Variants in TBC1D15 observed in about 807,000 individuals in gnomAD.
TBC1D15 encodes the protein TBC1 domain family member 15, also known as GAP for RAB7.
A neutral mutation model predicts 95.4 loss-of-function variants in TBC1D15; 39 were observed. That is an observed-to-expected ratio of 0.41 (90% CI 0.32 to 0.53). The LOEUF (loss-of-function observed/expected upper bound fraction) is 0.53, where lower values mean the gene tolerates loss of function less well. TBC1D15 is among the 20% of genes least tolerant of loss of function. The probability of loss-of-function intolerance (pLI) is 0.29; values close to 1 mark genes in which losing one functional copy is unlikely to be tolerated. For synonymous variants in TBC1D15, 258 were observed against 261.3 expected, an observed-to-expected ratio of 0.99 and a Z score of 0.12; for missense variants, 733 against 794.3, an observed-to-expected ratio of 0.92 and a Z score of 0.93.
intron 1 of TBC1D15, chr12:71,868,868 G>C (rs998205650): frequency 1.3e-5 from 2 of 152,090 alleles, no homozygotes; most frequent in South Asian, 2.1e-4. Flanking sequence ...GGAAGTTCCC[G>C]ACTATTCTAC....
At chr12:71,874,650 T>C (rs1592737238) in intron 3 of TBC1D15, among the ~76,000 whole-genome samples, 1 of 142,172 alleles carries the variant, frequency 7.0e-6, no homozygotes, top group South Asian at 2.2e-4. Flanking sequence ...TGAGACGGAG[T>C]CTTGCTCTGT....
intron 1 of TBC1D15, among the ~76,000 whole-genome samples, chr12:71,841,588 ACT>A (rs981949948): frequency 1.1e-4 from 17 of 151,814 alleles, no homozygotes; most frequent in Non-Finnish European, 2.4e-4. Flanking sequence ...TTCCTATAAC[ACT>A]CTCTAATCAA....
At chr12:71,847,899 A>G (rs1886742458) in intron 1 of TBC1D15, among the ~76,000 whole-genome samples, 1 of 151,954 alleles carries the variant, frequency 6.6e-6, no homozygotes, top group Admixed American at 6.6e-5. Context: ...GGAGTTCAAG[A>G]CCAGCCTGAC....
intron 1 of TBC1D15, among the ~76,000 whole-genome samples, chr12:71,869,499 G>A (rs1892210626): frequency 6.6e-6 from 1 of 152,076 alleles, no homozygotes; most frequent in African/African-American, 2.4e-5. Context: ...CTCCAGCCTG[G>A]GCAACAGAGC....
intron 1 of TBC1D15, among the ~76,000 whole-genome samples, chr12:71,846,075 C>T (rs796895933): frequency 2.6e-5 from 4 of 152,050 alleles, no homozygotes; most frequent in African/African-American, 4.8e-5. Context: ...TGTTTTTCTG[C>T]CTCATTTTTG....
At chr12:71,883,024 T>C (rs1344447881) in intron 4 of TBC1D15, among the ~76,000 whole-genome samples, 1 of 152,180 alleles carries the variant, frequency 6.6e-6, no homozygotes, top group Non-Finnish European at 1.5e-5. Context: ...GTATTTAATA[T>C]ACTTCATATG....
chr12:71,910,537 T>C (rs1168045150), intron 11 of TBC1D15, among the ~76,000 whole-genome samples: 2 of 151,908 alleles, frequency 1.3e-5, no homozygotes, highest in Non-Finnish European at 2.9e-5. Context: ...TTTTATTTCA[T>C]TGAGCAGTGG....
chr12:71,871,978 A>G, intron 1 of TBC1D15, 92 bp from the exon 2 acceptor site: 1 of 499,952 alleles, frequency 2.0e-6, no homozygotes, highest in East Asian at 3.6e-5. Context: ...AAACTTGGCC[A>G]AGTATGATAA....
intron 1 of TBC1D15, among the ~76,000 whole-genome samples, chr12:71,841,477 GACCAACAAA>G (rs1292524235): frequency 6.6e-6 from 1 of 152,048 alleles, no homozygotes; most frequent in Non-Finnish European, 1.5e-5. Context: ...ATACTATCAT[GACCAACAAA>G]ACCCACTTGT....
intron 5 of TBC1D15, among the ~76,000 whole-genome samples, chr12:71,887,063 A>G (rs1175897938): frequency 6.6e-6 from 1 of 152,156 alleles, no homozygotes; most frequent in Non-Finnish European, 1.5e-5. Context: ...TACCTATTCT[A>G]TAGGTAAGAG....
At chr12:71,879,664 T>C (rs1383017950) in intron 3 of TBC1D15, among the ~76,000 whole-genome samples, 1 of 152,102 alleles carries the variant, frequency 6.6e-6, no homozygotes, top group African/African-American at 2.4e-5. Flanking sequence ...CAACTTGCTT[T>C]TCATTGTTAC....
At chr12:71,855,529 G>A (rs1258740158) in intron 1 of TBC1D15, among the ~76,000 whole-genome samples, 13 of 151,740 alleles carry the variant, frequency 8.6e-5, no homozygotes, top group South Asian at 4.2e-4. Flanking sequence ...TTAGCCAGGC[G>A]TGGTGGTGTG....
chr12:71,923,140 C>A lies in TBC1D15; in HGVS notation c.1961C>A (p.Ala654Asp). The change falls in exon 17 of 17, where the codon GCC (alanine) becomes GAC (aspartate). Residue 654 changes from alanine to aspartate, a missense_variant. Physicochemically the swap from Ala to Asp is moderately radical, Grantham distance 126 (BLOSUM62 -2). Transcript: ENST00000485960. Reference sequence around the variant, plus strand: ...TTGCCTACACTCTCTGCCAGTGGAGCCAGAAATGACAGCCCAACACAGATA... The same window carrying A: ...TTGCCTACACTCTCTGCCAGTGGAGACAGAAATGACAGCCCAACACAGATA... ...NALPTLSASG[A>D]RNDSPTQIPV... 2 of 1,614,156 alleles carry A rather than the reference C, an allele frequency of 1.2e-6. No individual in the cohort carries two copies. The highest frequency in any genetic ancestry group is 2.2e-5 in the South Asian group (2 of 91,082).
intron 10 of TBC1D15, among the ~76,000 whole-genome samples, chr12:71,904,671 TAGG>T (rs1900246477): frequency 6.6e-6 from 1 of 152,118 alleles, no homozygotes; most frequent in South Asian, 2.1e-4. Context: ...TTTATAGTGT[TAGG>T]AGAGCAGGGA....
At chr12:71,905,513 A>G (rs1281513707) in intron 10 of TBC1D15, among the ~76,000 whole-genome samples, 1 of 151,972 alleles carries the variant, frequency 6.6e-6, no homozygotes, top group East Asian at 1.9e-4. Flanking sequence ...TTTTGTAGAG[A>G]CAGGGTTTTG....
At chr12:71,898,151 A>G (rs1427865078) in intron 10 of TBC1D15, among the ~76,000 whole-genome samples, 1 of 152,082 alleles carries the variant, frequency 6.6e-6, no homozygotes, top group African/African-American at 2.4e-5. Context: ...AAGTGTTGAT[A>G]TATTTAATTT....
At chr12:71,849,435 C>A in intron 1 of TBC1D15, 1 of 1,127,856 alleles carries the variant, frequency 8.9e-7, no homozygotes, top group Non-Finnish European at 1.4e-6. Context: ...TCAAAACACT[C>A]CATGGGCCTC....
chr12:71,847,445 C>T (rs980205683), intron 1 of TBC1D15, among the ~76,000 whole-genome samples: 1 of 151,860 alleles, frequency 6.6e-6, no homozygotes, highest in African/African-American at 2.4e-5. Context: ...GCCTGTAATC[C>T]CAGCACTTTG....
chr12:71,858,836 C>A (rs1275375340), intron 1 of TBC1D15, among the ~76,000 whole-genome samples: 1 of 152,032 alleles, frequency 6.6e-6, no homozygotes, highest in African/African-American at 2.4e-5. Context: ...GGATTACAGG[C>A]TTGAGCCATC....
Sources: allele counts gnomAD v4.1 joint callset (sites outside exome capture counted in the v4.1 genomes callset), GRCh38; gene constraint gnomAD v4.1.1; transcripts MANE v1.5; gene names NCBI Gene and HGNC (gene_info 2026-07-23, HGNC 2026-07-21).